DUSP16: variants seen among roughly 807,000 people sequenced by gnomAD.
The protein encoded by DUSP16 is dual specificity phosphatase 16.
DUSP16 carries 21 observed loss-of-function variants against 58.3 expected under a neutral mutation model. The observed-to-expected ratio is 0.36, with a 90% CI of 0.26 to 0.52. The LOEUF (loss-of-function observed/expected upper bound fraction) is 0.52, where lower values mean the gene tolerates loss of function less well. DUSP16 is among the 20% of genes least tolerant of loss of function. The pLI is 0.94. For missense variants in DUSP16, 726 were observed against 819.0 expected (o/e 0.89, Z 1.39); for synonymous variants, 320 against 323.8 (o/e 0.99, Z 0.12).
Position 12,480,359 on chromosome 12 carries a change from A to G in DUSP16, c.692-13T>C, listed in dbSNP as rs767506454. The stretch of plus-strand genomic sequence containing the variant: ...GCTTTTGCTTTCTCTGTATAAGTCA[A>G]ATGCAAGAAAGGTCACTACTAACTA... On this transcript the variant is annotated splice_polypyrimidine_tract_variant and intron_variant, in intron 5 of 6. Coordinates refer to ENST00000298573, the MANE Select transcript of DUSP16 (RefSeq NM_030640.3). 11 of 1,610,106 alleles carry G rather than the reference A, an allele frequency of 6.8e-6. No homozygotes were observed. In the African/African-American group the frequency reaches 1.5e-4, roughly 22 times the overall value.
At chr12:12,498,379 ATTTC>A (rs1466383041) in intron 4 of DUSP16, among the ~76,000 whole-genome samples, 1 of 150,428 alleles carries the variant, frequency 6.6e-6, no homozygotes, top group African/African-American at 2.4e-5. Flanking sequence ...TCAAACATGC[ATTTC>A]TTTATTTTAT....
chr12:12,557,518 T>A (rs545307954), intron 1 of DUSP16, among the ~76,000 whole-genome samples: 1 of 152,292 alleles, frequency 6.6e-6, no homozygotes, highest in South Asian at 2.1e-4. Context: ...CACATAGGTT[T>A]CTTTTTCTTT....
In DUSP16 at chr12:12,477,929, T is replaced by C. The variant is rs1414845529; in HGVS notation, c.902A>G (p.Gln301Arg). 1 of 1,614,242 alleles carries C rather than the reference T, an allele frequency of 6.2e-7. No homozygotes were observed. The highest frequency in any genetic ancestry group is 2.2e-5 in the East Asian group (1 of 44,890). ...GCTCTTTGGCCCTGATGCTCCAGTC[T>C]GGTTCTTAATCTTCTTCTCATAGTC... is the stretch of plus-strand genomic sequence containing the variant. The part of the protein sequence containing the change: ...LLDYEKKIKN[Q>R]TGASGPKSKL... The change falls in exon 7 of 7, where the codon CAG becomes CGG. Residue 301 changes from glutamine (Q) to arginine (R), a missense_variant. Gln to Arg is a conservative substitution (Grantham distance 43). Transcript: ENST00000298573. The surrounding 1 kb of genome is among the most constrained non-coding windows in gnomAD (Gnocchi z 4.1).
At chr12:12,515,279 CATT>C (rs1405390484) in intron 3 of DUSP16, among the ~76,000 whole-genome samples, 2 of 151,336 alleles carry the variant, frequency 1.3e-5, no homozygotes, top group East Asian at 1.9e-4. Flanking sequence ...ATTATAAAAT[CATT>C]ATTATGATAC....
intron 1 of DUSP16, among the ~76,000 whole-genome samples, chr12:12,557,183 T>C (rs937924027): frequency 5.9e-5 from 9 of 152,028 alleles, no homozygotes; most frequent in Admixed American, 4.6e-4. Flanking sequence ...TGGCCGGGTG[T>C]GGTGGCTCAC....
chr12:12,477,792 AG>A lies in DUSP16; in HGVS notation c.1038del (p.Ser347GlnfsTer25). The stretch of plus-strand genomic sequence containing the variant: ...ACGGGCCTTTGTCCTGCTGCCTCTG[AG>A]GTAGCAGAGTCGGCACAGGGTGGAC... ...PLSPPCADSA[T>X]SEAAGQRPVH... On this transcript the variant is annotated frameshift_variant, in exon 7 of 7. Coordinates refer to ENST00000298573, the MANE Select transcript of DUSP16 (RefSeq NM_030640.3). LOFTEE classifies it high-confidence loss of function. The surrounding 1 kb of genome is among the most constrained non-coding windows in gnomAD (Gnocchi z 4.1). 1 of 1,613,936 alleles carries A rather than the reference AG, an allele frequency of 6.2e-7. No homozygotes were observed. The highest frequency in any genetic ancestry group is 8.5e-7 in the Non-Finnish European group (1 of 1,179,976).
chr12:12,500,412 A>C, intron 4 of DUSP16, 107 bp downstream of exon 4: 1 of 1,324,272 alleles, frequency 7.6e-7, no homozygotes, highest in Admixed American at 2.6e-5. Context: ...AGAATGGCAT[A>C]GCAGCTCCTG....
intron 1 of DUSP16, among the ~76,000 whole-genome samples, chr12:12,543,020 T>C (rs1277842922): frequency 2.6e-5 from 4 of 152,116 alleles, no homozygotes; most frequent in Non-Finnish European, 5.9e-5. Flanking sequence ...CAGAACCAGA[T>C]CATGCTGGCA....
Position 12,498,435 on chromosome 12 carries a change from G to A in DUSP16, c.531+2084C>T, listed in dbSNP as rs112771151. On this transcript the variant is annotated intron_variant, in intron 4 of 6. Coordinates refer to ENST00000298573, the MANE Select transcript of DUSP16 (RefSeq NM_030640.3). ...ATTTATTTATTTATTTATTTTTTGA[G>A]ATAGGGCTTTGCTCTGTCACCCAGG... is the stretch of plus-strand genomic sequence containing the variant. 6.5e-3 allele frequency among the ~76,000 whole-genome samples: 733 copies of A among 113,376 alleles called. 6 individuals carry two copies. The highest frequency in any genetic ancestry group is 0.018 in the African/African-American group (683 of 37,078). The allele number at this position is 113,376 out of a possible 152,430, so 74.4% of individuals were successfully genotyped here.
Position 12,475,510 on chromosome 12 carries a change from T to C in DUSP16, c.*1323A>G, listed in dbSNP as rs542599400. On this transcript the variant is annotated 3_prime_UTR_variant, in exon 7 of 7. Transcript: ENST00000298573. ...ACAGCTTGGCCATGGCTTTGCACTCTATTCACAACTGATCAAAACTCAATG... is the reference window on the plus strand; with the variant it reads ...ACAGCTTGGCCATGGCTTTGCACTCCATTCACAACTGATCAAAACTCAATG... The C allele has an allele frequency of 2.6e-5, 4 of 152,224 alleles. No individual in the cohort carries two copies. The highest frequency in any genetic ancestry group is 4.4e-5 in the Non-Finnish European group (3 of 68,040). 9.4% of individuals were successfully genotyped at this position (152,224 alleles called of 1,614,324 possible).
intron 5 of DUSP16, among the ~76,000 whole-genome samples, chr12:12,483,179 G>A (rs1178315277): frequency 6.6e-6 from 1 of 152,206 alleles, no homozygotes; most frequent in Non-Finnish European, 1.5e-5. Flanking sequence ...AAAGGGCAAA[G>A]ATGCAGTGAG....
At chr12:12,526,975 C>T (rs543989730) in intron 1 of DUSP16, among the ~76,000 whole-genome samples, 2 of 152,308 alleles carry the variant, frequency 1.3e-5, no homozygotes, top group South Asian at 4.1e-4. Flanking sequence ...AGAGGCACAA[C>T]TCCATTTTAA....
At chr12:12,535,669 T>C (rs1212168139) in intron 1 of DUSP16, among the ~76,000 whole-genome samples, 3 of 152,208 alleles carry the variant, frequency 2.0e-5, no homozygotes, top group East Asian at 3.8e-4. Context: ...TATTAATTAG[T>C]TGAGTAAATG....
chr12:12,547,379 T>C (rs111806243), intron 1 of DUSP16, among the ~76,000 whole-genome samples: 1,525 of 147,284 alleles, frequency 0.01, 36 homozygotes, highest in African/African-American at 0.036. Context: ...TGAGCCGAGA[T>C]AGCGCCACTG....
rs556792530 is a variant in DUSP16 at position 12,481,217 on chromosome 12, A to G, written c.692-871T>C. 5.3e-5 allele frequency among the ~76,000 whole-genome samples: 8 copies of G among 152,304 alleles called. No homozygotes were observed. In the South Asian group the frequency reaches 1.7e-3, roughly 32 times the overall value. On this transcript the variant is annotated intron_variant, in intron 5 of 6. Coordinates refer to ENST00000298573, the MANE Select transcript of DUSP16 (RefSeq NM_030640.3). ...TCTCAATTCCCCACAACATGATGGA[A>G]GGACTCACGGACACTTTGTTAGAAC... is the stretch of plus-strand genomic sequence containing the variant.
chr12:12,522,887 A>G (rs1483601878), intron 1 of DUSP16, among the ~76,000 whole-genome samples: 5 of 152,308 alleles, frequency 3.3e-5, no homozygotes, highest in African/African-American at 1.2e-4. Flanking sequence ...TTTGATTGCA[A>G]AAGTTTATTA....
At chr12:12,556,094 A>C (rs993060560) in intron 1 of DUSP16, among the ~76,000 whole-genome samples, 2 of 152,232 alleles carry the variant, frequency 1.3e-5, no homozygotes, top group African/African-American at 4.8e-5. Flanking sequence ...AAATCAAGAG[A>C]GCACTAAAGA....
At position 12,474,243 on chromosome 12, in the gene DUSP16, T is replaced by A. The variant is rs1943371541; in HGVS notation, c.*2590A>T. ...TATTTATGTATAAACAGGTACCAGT[T>A]TTGATTTTATTTAATCATTTCATAC... On this transcript the variant is annotated 3_prime_UTR_variant, in exon 7 of 7. Transcript: ENST00000298573. The A allele has an allele frequency of 6.6e-6, 1 of 152,166 alleles. No individual in the cohort carries two copies. Among genetic ancestry groups the A allele is most frequent in the African/African-American group, 2.4e-5 (1 of 41,410 alleles). 9.4% of individuals were successfully genotyped at this position (152,166 alleles called of 1,614,324 possible).
intron 1 of DUSP16, among the ~76,000 whole-genome samples, chr12:12,522,642 CA>C (rs1944253141): frequency 1.3e-5 from 2 of 151,980 alleles, no homozygotes; most frequent in Non-Finnish European, 2.9e-5. Context: ...CAGCTCACTG[CA>C]ACCCCTGCCT....
Sources: allele counts gnomAD v4.1 joint callset (sites outside exome capture counted in the v4.1 genomes callset), GRCh38; gene constraint gnomAD v4.1.1; non-coding constraint Gnocchi (gnomAD v3.1); transcripts MANE v1.5; gene names NCBI Gene and HGNC (gene_info 2026-07-23, HGNC 2026-07-21).